The following RXRG variants were observed in gnomAD, a reference collection of about 807,000 sequenced individuals.
RXRG encodes the protein retinoid X receptor gamma.
In RXRG, 19 loss-of-function variants were observed where a neutral mutation model predicts 49.2. The ratio of observed to expected loss-of-function variants is 0.39; its 90% CI spans 0.27 to 0.57. RXRG has a LOEUF of 0.57. Among genes scored for constraint, RXRG ranks in the 20% least tolerant of loss-of-function variants. The pLI, the probability that RXRG is intolerant of heterozygous loss-of-function variation, is 0.64. For missense variants in RXRG, 452 were observed against 592.5 expected (o/e 0.76, Z 2.46); for synonymous variants, 224 against 216.6 (o/e 1.03, Z -0.30).
chr1:165,420,103 A>C, intron 2 of RXRG, 89 bp from the exon 3 acceptor site: 10 of 1,073,234 alleles, frequency 9.3e-6, no homozygotes, highest in Non-Finnish European at 1.3e-5. Context: ...TCAAGAAAAA[A>C]CAAGTTCTAT....
intron 4 of RXRG, among the ~76,000 whole-genome samples, chr1:165,412,040 G>A (rs1657971693): frequency 1.3e-5 from 2 of 152,142 alleles, no homozygotes; most frequent in Non-Finnish European, 2.9e-5. Context: ...GAAACTCCAT[G>A]ACAGCTACTC....
chr1:165,427,553 C>T (rs965234573), intron 2 of RXRG, among the ~76,000 whole-genome samples: 3 of 152,208 alleles, frequency 2.0e-5, no homozygotes, highest in African/African-American at 4.8e-5. Flanking sequence ...AGCAATTCTC[C>T]TGCCTCAGCC....
intron 1 of RXRG, among the ~76,000 whole-genome samples, chr1:165,431,374 C>G (rs1658671013): frequency 6.6e-6 from 1 of 152,234 alleles, no homozygotes; most frequent in African/African-American, 2.4e-5. Flanking sequence ...TTGGAAAGAG[C>G]AGTTTTAGAC....
chr1:165,419,445 C>A (rs1186210984), intron 3 of RXRG, among the ~76,000 whole-genome samples: 4 of 151,378 alleles, frequency 2.6e-5, no homozygotes, highest in Admixed American at 1.3e-4. Context: ...GGCTGGAGTA[C>A]AGTAGCGTGA....
chr1:165,430,051 A>T (rs1223845535), intron 1 of RXRG, among the ~76,000 whole-genome samples: 1 of 152,172 alleles, frequency 6.6e-6, no homozygotes, highest in East Asian at 1.9e-4. Context: ...GCAAGAACAG[A>T]TGTGAAGAAG....
At chr1:165,409,711 T>G in intron 6 of RXRG, 21 bp from the exon 7 acceptor site, 1 of 1,460,636 alleles carries the variant, frequency 6.8e-7, no homozygotes. Flanking sequence ...AAGGAGGAGG[T>G]CTTGAGGGAA....
intron 1 of RXRG, among the ~76,000 whole-genome samples, chr1:165,440,367 T>A (rs1301517011): frequency 6.6e-6 from 1 of 152,242 alleles, no homozygotes. Flanking sequence ...ACAGGTTAAG[T>A]ATCTCTTATC....
intron 4 of RXRG, among the ~76,000 whole-genome samples, chr1:165,414,767 C>T (rs1245928645): frequency 6.6e-6 from 1 of 152,160 alleles, no homozygotes; most frequent in African/African-American, 2.4e-5. Context: ...TATTTCATAT[C>T]GCATGCTCCA....
chr1:165,402,339 G>A (rs1478741617), intron 9 of RXRG, among the ~76,000 whole-genome samples: 4 of 152,180 alleles, frequency 2.6e-5, no homozygotes, highest in African/African-American at 7.2e-5. Context: ...ACCCACCTCA[G>A]CCTCCCAAAG....
intron 1 of RXRG, among the ~76,000 whole-genome samples, chr1:165,430,966 C>T (rs937138911): frequency 3.3e-5 from 5 of 152,204 alleles, no homozygotes; most frequent in East Asian, 3.8e-4. Flanking sequence ...GGTCTGGTTT[C>T]CTGCCCTTTT....
In RXRG at chr1:165,401,293, C is replaced by T. The variant is rs915574263; in HGVS notation, c.1362G>A (p.Glu454=). Residue 454 remains glutamate (E), a synonymous_variant, in exon 10 of 10, where the codon GAG becomes GAA. Transcript: ENST00000359842. ...TGATCTGCAGCGGGGTCTCCAACAT[C>T]TCCATGAGGAAGGTGTCAATGGGGG... ...GDTPIDTFLM[E]MLETPLQIT is the part of the protein sequence containing the mutation. The T allele has an allele frequency of 1.9e-6, 3 of 1,613,990 alleles. No homozygotes were observed. Among genetic ancestry groups the T allele is most frequent in the African/African-American group, 1.3e-5 (1 of 74,904 alleles).
At chr1:165,411,725 G>A (rs1377760734) in intron 4 of RXRG, among the ~76,000 whole-genome samples, 1 of 152,152 alleles carries the variant, frequency 6.6e-6, no homozygotes, top group Non-Finnish European at 1.5e-5. Context: ...AGGTTGGGGA[G>A]GGTACATAGG....
chr1:165,436,156 A>G (rs2101743781), intron 1 of RXRG, among the ~76,000 whole-genome samples: 1 of 152,340 alleles, frequency 6.6e-6, no homozygotes, highest in South Asian at 2.1e-4. Context: ...CCTGCAGATC[A>G]TCGAGTTCAA....
Position 165,410,945 on chromosome 1 carries a change from A to G in RXRG, c.783+4T>C, listed in dbSNP as rs779776083. 2 of 1,614,096 alleles carry G rather than the reference A, an allele frequency of 1.2e-6. No individual in the cohort carries two copies. The highest frequency in any genetic ancestry group is 1.7e-6 in the Non-Finnish European group (2 of 1,179,988). On this transcript the variant is annotated splice_donor_region_variant and intron_variant, in intron 5 of 9. Transcript: ENST00000359842. ...AACACACATGTGTGTCTAAGAGCAC[A>G]TACCGAGTTCTCCATATTCATGTCA...
intron 9 of RXRG, among the ~76,000 whole-genome samples, chr1:165,402,259 T>C (rs909914166): frequency 6.6e-6 from 1 of 152,268 alleles, no homozygotes; most frequent in African/African-American, 2.4e-5. Flanking sequence ...TAAATTTTTG[T>C]AGTTTTAGTA....
chr1:165,408,302 C>T lies in RXRG; in HGVS notation c.1063G>A (p.Val355Ile), dbSNP rs1228105066. The T allele has an allele frequency of 3.7e-6, 6 of 1,612,868 alleles. No homozygotes were observed. In the Admixed American group the frequency reaches 8.3e-5, roughly 22 times the overall value. The part of the protein sequence containing the change: ...SIFDRVLTEL[V>I]SKMKDMQMDK... ...ATCTGCATGTCTTTCATTTTGGAAA[C>T]CAGCTCAGTTAGGACTCTGTTAACA... Residue 355 changes from valine to isoleucine, a missense_variant, in exon 8 of 10, where the codon GTT becomes ATT. Physicochemically the swap from Val to Ile is conservative, Grantham distance 29. Coordinates refer to ENST00000359842, the MANE Select transcript of RXRG (RefSeq NM_006917.5).
chr1:165,424,405 AC>A (rs1658416043), intron 2 of RXRG, among the ~76,000 whole-genome samples: 1 of 152,262 alleles, frequency 6.6e-6, no homozygotes, highest in South Asian at 2.1e-4. Context: ...ATACCAAGTT[AC>A]TGCTATAGAG....
chr1:165,432,203 G>T (rs157881), intron 1 of RXRG, among the ~76,000 whole-genome samples: 32,816 of 152,100 alleles, frequency 0.22, 4,244 homozygotes, highest in African/African-American at 0.36. Context: ...CTTGACTACT[G>T]AGAGCAGTGG....
At position 165,437,034 on chromosome 1, in the gene RXRG, C is replaced by T. The variant is rs1231783904; in HGVS notation, c.49+7811G>A. 3 of 1,238,926 alleles carry T rather than the reference C, an allele frequency of 2.4e-6. No individual in the cohort carries two copies. The African/African-American group carries it at 4.7e-5, about 19-fold the overall frequency. 76.7% of individuals were successfully genotyped at this position (1,238,926 alleles called of 1,614,324 possible). A position where few individuals can be genotyped will look rare whatever the true frequency, so the allele number is the denominator to read the frequency against. On this transcript the variant is annotated intron_variant, in intron 1 of 9. Transcript: ENST00000359842. Reference sequence around the variant, plus strand: ...GGAGTGTTTCTTCTAGGCTGGTTGCCTGGGTTTCATTTCTGTGACTCAAAA... The same window carrying T: ...GGAGTGTTTCTTCTAGGCTGGTTGCTTGGGTTTCATTTCTGTGACTCAAAA...
Sources: allele counts gnomAD v4.1 joint callset (sites outside exome capture counted in the v4.1 genomes callset), GRCh38; gene constraint gnomAD v4.1.1; transcripts MANE v1.5; gene names NCBI Gene and HGNC (gene_info 2026-07-23, HGNC 2026-07-21).